The following PLXNA4 variants were observed in gnomAD, a reference collection of about 807,000 sequenced individuals.
PLXNA4 encodes plexin A4.
PLXNA4 carries 44 observed loss-of-function variants against 191.8 expected under a neutral mutation model. The observed-to-expected ratio is 0.23, with a 90% CI of 0.18 to 0.29. PLXNA4 has a LOEUF of 0.29. PLXNA4 is among the 10% of genes least tolerant of loss of function. The pLI, the probability that PLXNA4 is intolerant of heterozygous loss-of-function variation, is 1.00. For missense variants in PLXNA4, 1,800 were observed against 2,488.8 expected, an observed-to-expected ratio of 0.72 and a Z score of 5.89; for synonymous variants, 1,082 against 1,009.5, an observed-to-expected ratio of 1.07 and a Z score of -1.36.
rs558698641 is a variant in PLXNA4, at chr7:132,474,844, G to A, written c.1371+14448C>T. ...GTTTTTTAAACACAGAAAGTCTTAT[G>A]GATCCTTGCCATCTTCTTAATTTGT... On this transcript the variant is annotated intron_variant, in intron 3 of 31. Transcript: ENST00000321063. Among the ~76,000 whole-genome samples, 7 of 152,264 alleles carry A rather than the reference G, an allele frequency of 4.6e-5. No individual in the cohort carries two copies. In the South Asian group the frequency reaches 1.5e-3, roughly 32 times the overall value.
chr7:132,600,921 T>C (rs1220555764), intron 2 of PLXNA4, among the ~76,000 whole-genome samples: 6 of 152,180 alleles, frequency 3.9e-5, no homozygotes, highest in Admixed American at 2.6e-4. Flanking sequence ...ATTATTTTTC[T>C]TTTGTTGTTA....
At chr7:132,433,413 C>T (rs1403863577) in intron 3 of PLXNA4, among the ~76,000 whole-genome samples, 1 of 152,154 alleles carries the variant, frequency 6.6e-6, no homozygotes, top group Non-Finnish European at 1.5e-5. Context: ...ACACAGGTGG[C>T]TGGAGGTAAA....
chr7:132,464,940 A>G (rs994741275), intron 3 of PLXNA4, among the ~76,000 whole-genome samples: 9 of 152,226 alleles, frequency 5.9e-5, no homozygotes. Flanking sequence ...GCTAGGAGAG[A>G]GGATGCCCAG....
chr7:132,519,785 A>G (rs562030265), intron 1 of PLXNA4, among the ~76,000 whole-genome samples: 18 of 152,310 alleles, frequency 1.2e-4, no homozygotes, highest in East Asian at 3.9e-4. Context: ...CTCCTCTCAG[A>G]ATTGCCATGG....
chr7:132,243,670 C>T (rs1462864358), intron 4 of PLXNA4, among the ~76,000 whole-genome samples: 1 of 145,944 alleles, frequency 6.9e-6, no homozygotes, highest in South Asian at 2.4e-4. Flanking sequence ...ATCCCTCCTC[C>T]CCACCCCCAC....
intron 30 of PLXNA4, among the ~76,000 whole-genome samples, chr7:132,135,764 G>A (rs1795093656): frequency 6.6e-6 from 1 of 152,190 alleles, no homozygotes; most frequent in Non-Finnish European, 1.5e-5. Flanking sequence ...CTCATCTAGA[G>A]GTCCTGGGTG....
At chr7:132,254,174 T>C (rs539390322) in intron 4 of PLXNA4, among the ~76,000 whole-genome samples, 1 of 152,310 alleles carries the variant, frequency 6.6e-6, no homozygotes, top group South Asian at 2.1e-4. Context: ...TTTATTCTCA[T>C]CTTGGTTACT....
At chr7:132,390,517 T>C (rs1298563695) in intron 3 of PLXNA4, among the ~76,000 whole-genome samples, 1 of 152,168 alleles carries the variant, frequency 6.6e-6, no homozygotes, top group African/African-American at 2.4e-5. Flanking sequence ...TATACCTATG[T>C]AACAAACCTG....
At chr7:132,396,434 A>G (rs1793759441) in intron 3 of PLXNA4, among the ~76,000 whole-genome samples, 1 of 152,230 alleles carries the variant, frequency 6.6e-6, no homozygotes, top group Non-Finnish European at 1.5e-5. Flanking sequence ...GTTAAGTAGC[A>G]TGTCCAAGGT....
At chr7:132,289,450 G>A (rs923393612) in intron 4 of PLXNA4, among the ~76,000 whole-genome samples, 3 of 152,202 alleles carry the variant, frequency 2.0e-5, no homozygotes, top group Admixed American at 6.5e-5. Flanking sequence ...GTTTCTTCAT[G>A]GTTGTATTCC....
Position 132,178,713 on chromosome 7 carries a change from T to TACACATACACACAC in PLXNA4, c.3874+973_3874+974insGTGTGTGTATGTGT, listed in dbSNP as rs142378860. 6.7e-3 allele frequency among the ~76,000 whole-genome samples: 751 copies of TACACATACACACAC among 112,098 alleles called. 54 individuals are homozygous for TACACATACACACAC. The highest frequency in any genetic ancestry group is 0.027 in the African/African-American group (708 of 26,562). 73.5% of individuals were successfully genotyped at this position (112,098 alleles called of 152,430 possible). A position where few individuals can be genotyped will look rare whatever the true frequency, so the allele number is the denominator to read the frequency against. ...TAAATGAAACACATACACATACACA[T>TACACATACACACAC]ACACACACACACACACACTTGTAAA... On this transcript the variant is annotated intron_variant, in intron 20 of 31. Coordinates refer to ENST00000321063, the MANE Select transcript of PLXNA4 (RefSeq NM_020911.2).
chr7:132,557,471 T>C (rs951148744), intron 1 of PLXNA4, among the ~76,000 whole-genome samples: 1 of 151,880 alleles, frequency 6.6e-6, no homozygotes, highest in Non-Finnish European at 1.5e-5. Flanking sequence ...GACGTAAAGA[T>C]AGGCAATCAA....
At chr7:132,226,001 T>C (rs1161465563) in intron 8 of PLXNA4, among the ~76,000 whole-genome samples, 160 bp downstream of exon 8, 1 of 149,906 alleles carries the variant, frequency 6.7e-6, no homozygotes, top group Non-Finnish European at 1.5e-5. Flanking sequence ...CTGGGGCTTC[T>C]AAATGGTGAC....
rs190984989 is a variant in PLXNA4 at position 132,350,882 on chromosome 7, T to C, written c.1372-52660A>G. Among the ~76,000 whole-genome samples, 219 of 152,218 alleles carry C rather than the reference T, an allele frequency of 1.4e-3. 3 individuals are homozygous for C. Among genetic ancestry groups the C allele is most frequent in the Admixed American group, 3.2e-3 (49 of 15,300 alleles). ...TCAGAATAGCCAAAAAAGGAAACAA[T>C]GCAAAAGTCCATCAGATAAAGAATG... On this transcript the variant is annotated intron_variant, in intron 3 of 31. Transcript: ENST00000321063.
chr7:132,229,525 G>A (rs1798450440), intron 5 of PLXNA4, among the ~76,000 whole-genome samples: 1 of 152,156 alleles, frequency 6.6e-6, no homozygotes, highest in African/African-American at 2.4e-5. Context: ...ATTCTGTTGT[G>A]GGGTGGGGGC....
At chr7:132,194,318 C>T in intron 13 of PLXNA4, 139 bp from the exon 14 acceptor site, 1 of 1,350,502 alleles carries the variant, frequency 7.4e-7, no homozygotes, top group Non-Finnish European at 1.0e-6. Flanking sequence ...GGAAGATATC[C>T]TAATTCCTCC....
chr7:132,533,767 C>T lies in PLXNA4; in HGVS notation c.-86-24988G>A, dbSNP rs139991313. ...AGCACCCAGCCCTTCCTCCCTTCACCGCCCATCTTGGAGCCATCACCTATC... is the reference window on the plus strand; with the variant it reads ...AGCACCCAGCCCTTCCTCCCTTCACTGCCCATCTTGGAGCCATCACCTATC... On this transcript the variant is annotated intron_variant, in intron 1 of 31. Coordinates refer to ENST00000321063, the MANE Select transcript of PLXNA4 (RefSeq NM_020911.2). Among the ~76,000 whole-genome samples, 628 of 152,230 alleles carry T rather than the reference C, an allele frequency of 4.1e-3. 1 individual carries two copies. The highest frequency in any genetic ancestry group is 6.5e-3 in the Non-Finnish European group (442 of 68,024).
At chr7:132,156,908 C>T (rs1386968464) in intron 25 of PLXNA4, among the ~76,000 whole-genome samples, 3 of 152,128 alleles carry the variant, frequency 2.0e-5, no homozygotes, top group Non-Finnish European at 2.9e-5. Context: ...GCTCTAAACT[C>T]TAGATTTAAA....
rs67794762 is a variant in PLXNA4 at position 132,179,032 on chromosome 7, GCACACACACA to G, written c.3874+645_3874+654del. On this transcript the variant is annotated intron_variant, in intron 20 of 31. Transcript: ENST00000321063. ...CACATACACATATACAGGCGCGCGC[GCACACACACA>G]CACACACACACACACGGCCTCCAGC... Among the ~76,000 whole-genome samples, 97 of 61,670 alleles carry G rather than the reference GCACACACACA, an allele frequency of 1.6e-3. 1 individual carries two copies. The highest frequency in any genetic ancestry group is 6.8e-3 in the African/African-American group (79 of 11,640). 40.5% of individuals were successfully genotyped at this position (61,670 alleles called of 152,430 possible). A position where few individuals can be genotyped will look rare whatever the true frequency, so the allele number is the denominator to read the frequency against.
Sources: allele counts gnomAD v4.1 joint callset (sites outside exome capture counted in the v4.1 genomes callset), GRCh38; gene constraint gnomAD v4.1.1; transcripts MANE v1.5; gene names NCBI Gene and HGNC (gene_info 2026-07-23, HGNC 2026-07-21).